Variants in EPB41L4A observed in about 807,000 individuals in gnomAD.
EPB41L4A encodes the protein erythrocyte membrane protein band 4.1 like 4A.
A neutral mutation model predicts 108.6 loss-of-function variants in EPB41L4A; 100 were observed. The ratio of observed to expected loss-of-function variants is 0.92; its 90% CI spans 0.78 to 1.09. The LOEUF (loss-of-function observed/expected upper bound fraction) is 1.09, where lower values mean the gene tolerates loss of function less well. EPB41L4A is among the 50% of genes least tolerant of loss of function. The pLI, the probability that EPB41L4A is intolerant of heterozygous loss-of-function variation, is 0.00. For synonymous variants in EPB41L4A, 319 were observed against 289.0 expected (o/e 1.10, Z -1.05); for missense variants, 1,030 against 842.7 (o/e 1.22, Z -2.75).
At chr5:112,294,290 A>G (rs1753851747) in intron 2 of EPB41L4A, among the ~76,000 whole-genome samples, 2 of 152,202 alleles carry the variant, frequency 1.3e-5, no homozygotes, top group Admixed American at 6.5e-5. Flanking sequence ...AGGCGTGGGA[A>G]GGGGAGGTGT....
intron 1 of EPB41L4A, among the ~76,000 whole-genome samples, chr5:112,413,030 C>T (rs1469049652): frequency 6.6e-6 from 1 of 152,164 alleles, no homozygotes; most frequent in Non-Finnish European, 1.5e-5. Context: ...TTCACAATAG[C>T]ATAAACCCCC....
At chr5:112,200,329 A>G (rs1050514647) in intron 15 of EPB41L4A, among the ~76,000 whole-genome samples, 2 of 152,138 alleles carry the variant, frequency 1.3e-5, no homozygotes, top group Non-Finnish European at 2.9e-5. Flanking sequence ...TTCCCCTAAC[A>G]GTGCTCATTA....
At chr5:112,268,130 C>G (rs1291987380) in intron 4 of EPB41L4A, among the ~76,000 whole-genome samples, 1 of 152,194 alleles carries the variant, frequency 6.6e-6, no homozygotes, top group South Asian at 2.1e-4. Context: ...GCCTGTAATC[C>G]CAGCACTGTG....
In EPB41L4A at chr5:112,393,306, G is replaced by A. The variant is rs187299447; in HGVS notation, c.99+25635C>T. Among the ~76,000 whole-genome samples the A allele has an allele frequency of 7.9e-5, 12 of 152,164 alleles. 1 individual carries two copies. Among genetic ancestry groups the A allele is most frequent in the Admixed American group, 5.2e-4 (8 of 15,282 alleles). On this transcript the variant is annotated intron_variant, in intron 1 of 22. Coordinates refer to ENST00000261486, the MANE Select transcript of EPB41L4A (RefSeq NM_022140.5). ...AAAAAATTAATGAATCCAGGAGCTG[G>A]TTTTTTGAAAAGATCAACAAAATTG... is the stretch of plus-strand genomic sequence containing the variant.
chr5:112,240,840 T>C, intron 9 of EPB41L4A, 30 bp from the exon 10 acceptor site: 1 of 1,351,106 alleles, frequency 7.4e-7, no homozygotes. Flanking sequence ...AGAATATGAA[T>C]AATGACCAGG....
chr5:112,168,788 A>T lies in EPB41L4A; in HGVS notation c.1883T>A (p.Val628Glu). 6.2e-7 allele frequency: 1 copy of T among 1,614,162 alleles called. No individual in the cohort carries two copies. The highest frequency in any genetic ancestry group is 8.5e-7 in the Non-Finnish European group (1 of 1,179,974). Residue 628 changes from valine (V) to glutamate (E), a missense_variant, in exon 22 of 23, where the codon GTG becomes GAG. Physicochemically the swap from Val to Glu is moderately radical, Grantham distance 121 (BLOSUM62 -2). Transcript: ENST00000261486. ...SKTDLVPPLP[V>E]TRSSDAQGSG... ...ACCCTGAGCATCCGAAGAACGGGTC[A>T]CCGGAAGTGGTGGTACAAGATCTGT...
chr5:112,353,397 C>T (rs4958043), intron 1 of EPB41L4A, among the ~76,000 whole-genome samples: 91,332 of 151,962 alleles, frequency 0.6, 28,715 homozygotes, highest in South Asian at 0.77. Flanking sequence ...CACTGGGCAG[C>T]GTGCATGACA....
At chr5:112,262,659 T>C in intron 6 of EPB41L4A, 78 bp from the exon 7 acceptor site, 1 of 1,129,638 alleles carries the variant, frequency 8.9e-7, no homozygotes, top group Non-Finnish European at 1.3e-6. Context: ...ATCTTCATTG[T>C]ATTCAATGGG....
intron 17 of EPB41L4A, among the ~76,000 whole-genome samples, chr5:112,187,994 T>C (rs993620142): frequency 2.0e-5 from 3 of 152,236 alleles, no homozygotes; most frequent in African/African-American, 7.2e-5. Context: ...AAAGATCCTT[T>C]CTAGCTTTAA....
At chr5:112,389,084 T>C (rs995767172) in intron 1 of EPB41L4A, among the ~76,000 whole-genome samples, 4 of 152,142 alleles carry the variant, frequency 2.6e-5, no homozygotes, top group South Asian at 4.1e-4. Flanking sequence ...AAAAATTCTA[T>C]GGCTTAGCAG....
At chr5:112,278,318 C>G (rs1371790409) in intron 3 of EPB41L4A, among the ~76,000 whole-genome samples, 1 of 150,358 alleles carries the variant, frequency 6.7e-6, no homozygotes, top group East Asian at 2.0e-4. Context: ...GGTGGGATCT[C>G]AGGTCACTGC....
intron 22 of EPB41L4A, 83 bp from the exon 23 acceptor site, chr5:112,165,201 C>T (rs988912592): frequency 1.9e-6 from 2 of 1,063,628 alleles, no homozygotes; most frequent in Non-Finnish European, 2.7e-6. Context: ...AACCAAGCTG[C>T]TCTTAAATTT....
intron 1 of EPB41L4A, among the ~76,000 whole-genome samples, chr5:112,326,844 T>C (rs763091242): frequency 2.6e-5 from 4 of 152,146 alleles, no homozygotes; most frequent in Admixed American, 6.5e-5. Flanking sequence ...CAAATCTTCA[T>C]AGGCAGCAGA....
intron 1 of EPB41L4A, among the ~76,000 whole-genome samples, chr5:112,309,877 G>A (rs1371172718): frequency 6.6e-6 from 1 of 152,176 alleles, no homozygotes; most frequent in African/African-American, 2.4e-5. Context: ...AATGAGAACA[G>A]CTTCAGGACC....
intron 9 of EPB41L4A, chr5:112,249,627 T>C (rs752400981): frequency 1.3e-5 from 2 of 152,152 alleles, no homozygotes; most frequent in Non-Finnish European, 2.9e-5. Flanking sequence ...GGCTAATGAA[T>C]TTAGGGTGAG....
At chr5:112,331,442 G>A (rs1337376490) in intron 1 of EPB41L4A, among the ~76,000 whole-genome samples, 1 of 152,214 alleles carries the variant, frequency 6.6e-6, no homozygotes, top group African/African-American at 2.4e-5. Context: ...ATAACACACA[G>A]TGGGCACACA....
intron 9 of EPB41L4A, among the ~76,000 whole-genome samples, chr5:112,243,081 G>A (rs1188130729): frequency 6.6e-6 from 1 of 152,076 alleles, no homozygotes; most frequent in Non-Finnish European, 1.5e-5. Context: ...GGGCATGGTG[G>A]CAGGCGCCTG....
intron 16 of EPB41L4A, 93 bp from the exon 17 acceptor site, chr5:112,194,738 T>A (rs1761879607): frequency 1.4e-6 from 1 of 714,018 alleles, no homozygotes; most frequent in Admixed American, 3.2e-5. Context: ...CTGGAATTCA[T>A]TTTGCAGTAA....
intron 2 of EPB41L4A, among the ~76,000 whole-genome samples, chr5:112,301,113 G>A (rs1316259687): frequency 2.0e-5 from 3 of 151,618 alleles, no homozygotes; most frequent in East Asian, 3.9e-4. Flanking sequence ...CTCCTTAATT[G>A]GTTTAATAAT....
Sources: allele counts gnomAD v4.1 joint callset (sites outside exome capture counted in the v4.1 genomes callset), GRCh38; gene constraint gnomAD v4.1.1; transcripts MANE v1.5; gene names NCBI Gene and HGNC (gene_info 2026-07-23, HGNC 2026-07-21).